Variants in SUSD4 observed in about 807,000 individuals in gnomAD.
SUSD4 encodes the protein sushi domain containing 4.
SUSD4 carries 41 observed loss-of-function variants against 50.5 expected under a neutral mutation model. The observed-to-expected ratio is 0.81, with a 90% CI of 0.63 to 1.05. The LOEUF (loss-of-function observed/expected upper bound fraction) is 1.05, where lower values mean the gene tolerates loss of function less well. Among genes scored for constraint, SUSD4 ranks in the 50% least tolerant of loss-of-function variants. The pLI, the probability that SUSD4 is intolerant of heterozygous loss-of-function variation, is 0.00. For synonymous variants in SUSD4, 257 were observed against 257.3 expected (o/e 1.00, Z 0.01); for missense variants, 580 against 634.7 (o/e 0.91, Z 0.93).
At chr1:223,242,128 A>C (rs1660626024) in intron 5 of SUSD4, among the ~76,000 whole-genome samples, 1 of 152,088 alleles carries the variant, frequency 6.6e-6, no homozygotes, top group South Asian at 2.1e-4. Context: ...TTTTTTGTAG[A>C]GACAGGGTTT....
At chr1:223,297,963 T>C (rs537665935) in intron 2 of SUSD4, among the ~76,000 whole-genome samples, 7 of 151,850 alleles carry the variant, frequency 4.6e-5, no homozygotes, top group South Asian at 2.1e-4. Context: ...GACAGATGAA[T>C]AGATGAATGG....
intron 2 of SUSD4, among the ~76,000 whole-genome samples, chr1:223,344,705 G>A (rs1365402290): frequency 6.6e-6 from 1 of 152,172 alleles, no homozygotes; most frequent in Non-Finnish European, 1.5e-5. Flanking sequence ...ACACTCCGCA[G>A]CCCTCATTTA....
chr1:223,293,336 T>A (rs182214440), intron 2 of SUSD4, among the ~76,000 whole-genome samples: 1 of 152,306 alleles, frequency 6.6e-6, no homozygotes, highest in Admixed American at 6.5e-5. Context: ...CCTACTTTGT[T>A]CCACTGCTGT....
intron 2 of SUSD4, among the ~76,000 whole-genome samples, chr1:223,349,461 G>C (rs1668234084): frequency 6.6e-6 from 1 of 152,150 alleles, no homozygotes. Context: ...AGTTTGATTA[G>C]ATTAGAGCAA....
intron 2 of SUSD4, among the ~76,000 whole-genome samples, chr1:223,346,552 T>C (rs1348412591): frequency 6.6e-6 from 1 of 152,064 alleles, no homozygotes. Context: ...CAAGGAGAGA[T>C]GAATACCTCA....
At chr1:223,277,359 G>A (rs1425672212) in intron 3 of SUSD4, among the ~76,000 whole-genome samples, 1 of 151,960 alleles carries the variant, frequency 6.6e-6, no homozygotes, top group Non-Finnish European at 1.5e-5. Flanking sequence ...GTTAAGCATG[G>A]AGACAGAGCA....
At position 223,227,550 on chromosome 1, in the gene SUSD4, T is replaced by C. The variant is rs374831643; in HGVS notation, c.1061+44A>G. On this transcript the variant is annotated intron_variant, in intron 7 of 8. Coordinates refer to ENST00000366878, the MANE Select transcript of SUSD4 (RefSeq NM_017982.4). The surrounding 1 kb of genome is among the most constrained non-coding windows in gnomAD (Gnocchi z 4.5). ...CCCTCTGCTGCTAAGGGTAGCTGCA[T>C]TGAGTCAGACCTTGAGCCACAGCTG... The C allele has an allele frequency of 7.5e-6, 12 of 1,600,184 alleles. No individual in the cohort carries two copies. Among genetic ancestry groups the C allele is most frequent in the Middle Eastern group, 3.3e-4 (2 of 6,044 alleles).
chr1:223,340,679 G>T (rs758918913), intron 2 of SUSD4, among the ~76,000 whole-genome samples: 1 of 152,162 alleles, frequency 6.6e-6, no homozygotes, highest in Non-Finnish European at 1.5e-5. Flanking sequence ...GTAGAGGTCA[G>T]GTGAGCTCTT....
intron 2 of SUSD4, among the ~76,000 whole-genome samples, chr1:223,300,175 GAC>G (rs1296231573): frequency 6.6e-6 from 1 of 152,102 alleles, no homozygotes; most frequent in African/African-American, 2.4e-5. Flanking sequence ...CCCTGGGGCT[GAC>G]ACACCCTCTC....
chr1:223,264,731 T>A lies in SUSD4; in HGVS notation c.623A>T (p.Tyr208Phe). Residue 208 changes from tyrosine (Y) to phenylalanine (F), a missense_variant, in exon 5 of 9, where the codon TAT becomes TTT. Physicochemically the swap from Tyr to Phe is conservative, Grantham distance 22. Transcript: ENST00000366878. ...AAGTTTAAATCCGGGAAAGCAGCGA[T>A]AGGAGATCACAGTCCCCACCGGGAA... ...TSFPVGTVIS[Y>F]RCFPGFKLDG... The A allele has an allele frequency of 3.7e-6, 6 of 1,614,146 alleles. No homozygotes were observed. The highest frequency in any genetic ancestry group is 5.1e-6 in the Non-Finnish European group (6 of 1,180,016).
At chr1:223,307,129 G>A (rs987928406) in intron 2 of SUSD4, among the ~76,000 whole-genome samples, 1 of 152,040 alleles carries the variant, frequency 6.6e-6, no homozygotes, top group African/African-American at 2.4e-5. Context: ...CCAAAGTGCT[G>A]GGATTACAGG....
intron 5 of SUSD4, among the ~76,000 whole-genome samples, chr1:223,239,144 A>T (rs1422288509): frequency 6.6e-6 from 1 of 152,048 alleles, no homozygotes; most frequent in East Asian, 1.9e-4. Flanking sequence ...ATAAATACAC[A>T]GTTGTTACTC....
intron 5 of SUSD4, among the ~76,000 whole-genome samples, chr1:223,262,542 G>A (rs1662196468): frequency 6.6e-6 from 1 of 152,198 alleles, no homozygotes; most frequent in South Asian, 2.1e-4. Flanking sequence ...GTGAGAATGA[G>A]AGAAATGCAA....
At chr1:223,312,507 G>C (rs974019263) in intron 2 of SUSD4, among the ~76,000 whole-genome samples, 18 of 152,140 alleles carry the variant, frequency 1.2e-4, no homozygotes, top group South Asian at 2.1e-4. Context: ...GCAAAGTACA[G>C]AAGGTTCCAG....
chr1:223,233,416 A>G (rs1162190769), intron 5 of SUSD4, among the ~76,000 whole-genome samples: 4 of 152,166 alleles, frequency 2.6e-5, no homozygotes, highest in East Asian at 3.8e-4. Context: ...AAAAATCCCA[A>G]TATAAAAATA....
At chr1:223,338,307 G>C (rs1234008559) in intron 2 of SUSD4, among the ~76,000 whole-genome samples, 2 of 152,286 alleles carry the variant, frequency 1.3e-5, no homozygotes, top group East Asian at 3.9e-4. Flanking sequence ...TGGGTCCTCT[G>C]CTTTGTCATC....
intron 3 of SUSD4, among the ~76,000 whole-genome samples, chr1:223,290,135 T>A (rs1664393793): frequency 6.6e-6 from 1 of 152,242 alleles, no homozygotes; most frequent in African/African-American, 2.4e-5. Context: ...CAGAAATTCA[T>A]TAGCCTTCTA....
At chr1:223,315,373 G>A (rs1017443847) in intron 2 of SUSD4, among the ~76,000 whole-genome samples, 1 of 152,186 alleles carries the variant, frequency 6.6e-6, no homozygotes. Context: ...AATTACTCCT[G>A]CAGATAACGT....
In SUSD4 at chr1:223,221,930, C is replaced by T; in HGVS notation, c.*262G>A. ...CCACAGCACGATACACATTTAACAC[C>T]CCTCATCCAAGACCACGCGAGGGCT... On this transcript the variant is annotated 3_prime_UTR_variant, in exon 9 of 9. Coordinates refer to ENST00000366878, the MANE Select transcript of SUSD4 (RefSeq NM_017982.4). The T allele has an allele frequency of 2.2e-6, 1 of 445,256 alleles. No homozygotes were observed. Among genetic ancestry groups the T allele is most frequent in the Non-Finnish European group, 4.0e-6 (1 of 252,044 alleles). 27.6% of individuals were successfully genotyped at this position (445,256 alleles called of 1,614,324 possible). A position where few individuals can be genotyped will look rare whatever the true frequency, so the allele number is the denominator to read the frequency against.
Sources: allele counts gnomAD v4.1 joint callset (sites outside exome capture counted in the v4.1 genomes callset), GRCh38; gene constraint gnomAD v4.1.1; non-coding constraint Gnocchi (gnomAD v3.1); transcripts MANE v1.5; gene names NCBI Gene and HGNC (gene_info 2026-07-23, HGNC 2026-07-21).